The following PDK1 variants were observed in gnomAD, a reference collection of about 807,000 sequenced individuals.
PDK1 encodes the protein pyruvate dehydrogenase kinase 1, also known as [Pyruvate dehydrogenase (acetyl-transferring)] kinase isozyme 1, mitochondrial.
Under a neutral mutation model 54.2 loss-of-function variants are expected in PDK1, and 39 were observed. The ratio of observed to expected loss-of-function variants is 0.72; its 90% confidence interval spans 0.56 to 0.94. PDK1 has a LOEUF of 0.94. Among genes scored for constraint, PDK1 ranks in the 40% least tolerant of loss-of-function variants. The pLI, the probability that PDK1 is intolerant of heterozygous loss-of-function variation, is 0.00. For synonymous variants in PDK1, 221 were observed against 207.1 expected, an observed-to-expected ratio of 1.07 and a Z score of -0.58; for missense variants, 552 against 566.0, an observed-to-expected ratio of 0.98 and a Z score of 0.25.
the PDK1 span, among the ~76,000 whole-genome samples, chr2:172,671,493 C>T: frequency 6.7e-6 from 1 of 149,386 alleles, no homozygotes; most frequent in East Asian, 1.9e-4. Context: ...TATATTTAGG[C>T]CTCAGTTGCT....
chr2:172,707,216 C>A, the PDK1 span, among the ~76,000 whole-genome samples: 11 of 152,170 alleles, frequency 7.2e-5, no homozygotes, highest in African/African-American at 2.4e-4. Context: ...ACTTCCTTAT[C>A]ACCTGTCAGG....
At chr2:172,663,215 AT>A in the PDK1 span, among the ~76,000 whole-genome samples, 1 of 152,154 alleles carries the variant, frequency 6.6e-6, no homozygotes, top group East Asian at 1.9e-4. Flanking sequence ...CTGTCTTCAC[AT>A]GGTCGTTCCT....
chr2:172,631,693 C>T, the PDK1 span, among the ~76,000 whole-genome samples: 2 of 152,202 alleles, frequency 1.3e-5, no homozygotes, highest in African/African-American at 4.8e-5. Context: ...AGGTAACATA[C>T]ATGGGGACAA....
chr2:172,667,790 C>T, the PDK1 span, among the ~76,000 whole-genome samples: 1 of 152,218 alleles, frequency 6.6e-6, no homozygotes, highest in Non-Finnish European at 1.5e-5. Context: ...TTTGGGCTCT[C>T]TGCCATGTGG....
chr2:172,653,314 A>C, the PDK1 span, among the ~76,000 whole-genome samples: 6 of 152,194 alleles, frequency 3.9e-5, no homozygotes, highest in East Asian at 1.2e-3. Flanking sequence ...TAATACAAAA[A>C]TTAATTCACC....
In PDK1 at chr2:172,602,393, G is replaced by A. The variant is rs1392898873; in HGVS notation, c.*6424G>A. ...GAAAAACTATATGATCACATCAACA[G>A]AAACAGGAAATTCAGTTTCTTTGGG... On this transcript the variant is annotated 3_prime_UTR_variant, in exon 11 of 11. Coordinates refer to ENST00000282077, the MANE Select transcript of PDK1 (RefSeq NM_002610.5). The A allele has an allele frequency of 6.6e-6, 1 of 152,164 alleles. No homozygotes were observed. The highest frequency in any genetic ancestry group is 1.5e-5 in the Non-Finnish European group (1 of 68,020). The allele number at this position is 152,164 out of a possible 1,614,324, so 9.4% of individuals were successfully genotyped here.
chr2:172,568,774 A>G lies in PDK1; in HGVS notation c.803A>G (p.Tyr268Cys). Residue 268 changes from tyrosine (Y) to cysteine (C), a missense_variant, in exon 7 of 11, where the codon TAT becomes TGT. Transcript: ENST00000282077. ...KSPGQPIQVV[Y>C]VPSHLYHMVF... ...CCAGGACAGCCAATACAAGTGGTTT[A>G]TGTACCATCCCATCTCTATCACATG... The G allele has an allele frequency of 6.2e-7, 1 of 1,610,434 alleles. No homozygotes were observed. The highest frequency in any genetic ancestry group is 1.7e-4 in the Middle Eastern group (1 of 6,054).
At chr2:172,580,625 G>C (rs144359717) in intron 8 of PDK1, among the ~76,000 whole-genome samples, 108 of 152,266 alleles carry the variant, frequency 7.1e-4, no homozygotes, top group African/African-American at 2.4e-3. Context: ...TCAAAGGATT[G>C]AGAATATTTA....
In PDK1 at chr2:172,584,830, GTTTTTTT is replaced by G. The variant is rs1273636309; in HGVS notation, c.946-1434_946-1428del. On this transcript the variant is annotated intron_variant, in intron 8 of 10. Coordinates refer to ENST00000282077, the MANE Select transcript of PDK1 (RefSeq NM_002610.5). ...ACTACCACATCTGGGTAATTTTAAA[GTTTTTTT>G]TTTTTTTTTTTTTGTACAAACGGAG... 1.7e-5 allele frequency among the ~76,000 whole-genome samples: 2 copies of G among 116,496 alleles called. 1 individual carries two copies. Among genetic ancestry groups the G allele is most frequent in the African/African-American group, 6.3e-5 (2 of 31,508 alleles). The allele number at this position is 116,496 out of a possible 152,430, so 76.4% of individuals were successfully genotyped here.
chr2:172,633,146 G>A, the PDK1 span, among the ~76,000 whole-genome samples: 4 of 151,730 alleles, frequency 2.6e-5, no homozygotes, highest in South Asian at 4.2e-4. Context: ...GGGCTCAAGC[G>A]ATCCTCCTGT....
intron 2 of PDK1, among the ~76,000 whole-genome samples, chr2:172,559,307 T>C (rs1168268130): frequency 2.0e-5 from 3 of 152,180 alleles, no homozygotes; most frequent in African/African-American, 4.8e-5. Flanking sequence ...GGCAATGTAT[T>C]TGGGCTTGTG....
the PDK1 span, chr2:172,677,111 T>C: frequency 1.3e-5 from 2 of 152,382 alleles, 1 homozygote; most frequent in South Asian, 4.1e-4. Flanking sequence ...AACTTTTATA[T>C]GCACTGCGAA....
chr2:172,583,166 T>A (rs993162198), intron 8 of PDK1, among the ~76,000 whole-genome samples: 5 of 151,948 alleles, frequency 3.3e-5, no homozygotes, highest in African/African-American at 4.8e-5. Context: ...GATGAGTAAT[T>A]AACAAATTGA....
rs180876701 is a variant in PDK1 at position 172,574,173 on chromosome 2, T to C, written c.945+3349T>C. On this transcript the variant is annotated intron_variant, in intron 8 of 10. Transcript: ENST00000282077. The stretch of plus-strand genomic sequence containing the variant: ...TGGATATCCAGTTGTCCCAGTACTA[T>C]TTGTGAAAAACCTATTCTTTCCCCA... Among the ~76,000 whole-genome samples, 21 of 152,348 alleles carry C rather than the reference T, an allele frequency of 1.4e-4. No homozygotes were observed. In the East Asian group the frequency reaches 4.0e-3, roughly 29 times the overall value.
At chr2:172,658,455 T>G in the PDK1 span, among the ~76,000 whole-genome samples, 1 of 152,156 alleles carries the variant, frequency 6.6e-6, no homozygotes, top group Non-Finnish European at 1.5e-5. Flanking sequence ...AAAACATGTG[T>G]GTTTGAACAA....
At chr2:172,644,487 TTAAA>T in the PDK1 span, among the ~76,000 whole-genome samples, 2 of 152,178 alleles carry the variant, frequency 1.3e-5, no homozygotes, top group African/African-American at 4.8e-5. Flanking sequence ...GTTGTGAGGA[TTAAA>T]TAAAATGAAA....
intron 8 of PDK1, among the ~76,000 whole-genome samples, chr2:172,583,620 CT>C (rs1690045849): frequency 6.6e-6 from 1 of 151,876 alleles, no homozygotes; most frequent in Non-Finnish European, 1.5e-5. Context: ...TCCTTGTATA[CT>C]TTATTATTGA....
At chr2:172,703,551 C>T in the PDK1 span, among the ~76,000 whole-genome samples, 250 of 151,930 alleles carry the variant, frequency 1.6e-3, no homozygotes, top group African/African-American at 5.4e-3. Context: ...TGACCCAACC[C>T]GACAATAATA....
intron 8 of PDK1, among the ~76,000 whole-genome samples, chr2:172,578,898 CTG>C (rs540009246): frequency 4.9e-4 from 75 of 152,248 alleles, no homozygotes; most frequent in African/African-American, 1.8e-3. Flanking sequence ...CCAAGGGACT[CTG>C]TGTGTGTATA....
Sources: gnomAD v4.1 joint callset for allele counts (sites outside exome capture counted in the v4.1 genomes callset) on GRCh38, gnomAD v4.1.1 for gene constraint, MANE v1.5 for transcripts, NCBI Gene and HGNC (gene_info 2026-07-23, HGNC 2026-07-21) for gene names.